The following PCDHA6 variants were observed in gnomAD, a reference collection of about 807,000 sequenced individuals.
PCDHA6 encodes the protein protocadherin alpha-6.
PCDHA6 carries 55 observed loss-of-function variants against 60.3 expected under a neutral mutation model. That is an observed-to-expected ratio of 0.91 (90% CI 0.73 to 1.14). PCDHA6 has a LOEUF of 1.14. Ranked by LOEUF, PCDHA6 falls within the 50% of genes most tolerant of loss-of-function variation. PCDHA6 has a pLI of 0.00. For synonymous variants in PCDHA6, 652 were observed against 557.9 expected, an observed-to-expected ratio of 1.17 and a Z score of -2.38; for missense variants, 1,327 against 1,256.5, an observed-to-expected ratio of 1.06 and a Z score of -0.85.
chr5:140,968,063 G>A, intron 1 of PCDHA6: 1 of 1,614,096 alleles, frequency 6.2e-7, no homozygotes. Flanking sequence ...AGAGCGGGTG[G>A]CTGTCTACAA....
chr5:140,976,378 C>A (rs908008970), intron 1 of PCDHA6, among the ~76,000 whole-genome samples: 2 of 151,926 alleles, frequency 1.3e-5, no homozygotes, highest in Non-Finnish European at 2.9e-5. Flanking sequence ...TGGTGAAACC[C>A]CATCTCTACT....
At chr5:140,913,945 A>T (rs2076523304) in intron 1 of PCDHA6, among the ~76,000 whole-genome samples, 1 of 152,086 alleles carries the variant, frequency 6.6e-6, no homozygotes, top group Non-Finnish European at 1.5e-5. Flanking sequence ...AAGAATCTTG[A>T]TATGATATCA....
chr5:140,928,256 C>G (rs1192362928), intron 1 of PCDHA6: 19 of 1,614,116 alleles, frequency 1.2e-5, no homozygotes, highest in Non-Finnish European at 1.5e-5. Flanking sequence ...CTTTTCGTTG[C>G]TGAAAACAAT....
chr5:141,004,461 A>C (rs1160733381), intron 3 of PCDHA6, among the ~76,000 whole-genome samples: 1 of 152,216 alleles, frequency 6.6e-6, no homozygotes, highest in Non-Finnish European at 1.5e-5. Context: ...CAGGAAGCTC[A>C]GTGACATGTT....
chr5:140,915,252 GTTA>G (rs1291041483), intron 1 of PCDHA6, among the ~76,000 whole-genome samples: 2 of 152,012 alleles, frequency 1.3e-5, no homozygotes, highest in African/African-American at 4.8e-5. Flanking sequence ...TGGCCAGGTT[GTTA>G]TTATTTTTGA....
chr5:140,836,281 C>A, intron 1 of PCDHA6: 2 of 1,613,732 alleles, frequency 1.2e-6, no homozygotes, highest in Non-Finnish European at 1.7e-6. Flanking sequence ...GAGATCAGCA[C>A]GACACGAGCC....
At chr5:140,875,524 C>T in intron 1 of PCDHA6, 1 of 1,614,084 alleles carries the variant, frequency 6.2e-7, no homozygotes, top group East Asian at 2.2e-5. Context: ...GCTGCTCTCG[C>T]TTCTGCTCCT....
chr5:140,968,328 A>AT (rs1554230627), intron 1 of PCDHA6: 1 of 1,614,076 alleles, frequency 6.2e-7, no homozygotes, highest in South Asian at 1.1e-5. Flanking sequence ...GTCACCTCCT[A>AT]TGTCTCCATT....
At chr5:140,844,621 A>C (rs1357757740) in intron 1 of PCDHA6, among the ~76,000 whole-genome samples, 5 of 149,558 alleles carry the variant, frequency 3.3e-5, no homozygotes, top group African/African-American at 9.8e-5. Context: ...TGTTTTCATC[A>C]GAAAAACTAT....
At position 140,827,972 on chromosome 5, in the gene PCDHA6, T is replaced by C; in HGVS notation, c.-120T>C. The C allele has an allele frequency of 7.9e-6, 11 of 1,394,734 alleles. No homozygotes were observed. Among genetic ancestry groups the C allele is most frequent in the Non-Finnish European group, 9.7e-6 (10 of 1,027,912 alleles). The allele number at this position is 1,394,734 out of a possible 1,614,324, so 86.4% of individuals were successfully genotyped here. ...TCAAATTTCTTCTATTACTGCATCA[T>C]TCCCTGACTGTTGAATGATGGCGGA... On this transcript the variant is annotated 5_prime_UTR_variant, in exon 1 of 4. Coordinates refer to ENST00000529310, the MANE Select transcript of PCDHA6 (RefSeq NM_018909.4).
chr5:140,863,178 C>G (rs1420894530), intron 1 of PCDHA6: 3 of 736,630 alleles, frequency 4.1e-6, no homozygotes, highest in African/African-American at 3.6e-5. Flanking sequence ...TGACTGCCAC[C>G]GTCACCGTGG....
chr5:140,864,460 T>C (rs2048484111), intron 1 of PCDHA6: 1 of 152,246 alleles, frequency 6.6e-6, no homozygotes, highest in African/African-American at 2.4e-5. Flanking sequence ...AATATCCATC[T>C]TTTTTGAGAT....
intron 1 of PCDHA6, chr5:140,834,286 C>A: frequency 2.6e-6 from 3 of 1,172,442 alleles, no homozygotes; most frequent in Non-Finnish European, 2.4e-6. Flanking sequence ...GGATGCACAA[C>A]AATGGCCACA....
intron 3 of PCDHA6, among the ~76,000 whole-genome samples, chr5:140,985,932 G>A (rs1554247524): frequency 6.6e-6 from 1 of 151,798 alleles, no homozygotes; most frequent in African/African-American, 2.4e-5. Flanking sequence ...GTAGAGCCGG[G>A]GTTTCACTGT....
chr5:140,836,709 C>A, intron 1 of PCDHA6: 2 of 1,613,210 alleles, frequency 1.2e-6, no homozygotes, highest in Non-Finnish European at 1.7e-6. Context: ...CAGTCCCAGC[C>A]TTCCTCAGGG....
rs2150150778 is a variant in PCDHA6 at position 140,828,083 on chromosome 5, G to A, written c.-9G>A. Reference sequence around the variant, plus strand: ...TCTTCTAATGGAAATAAAACCAGAGGTATTTGACATGGTGTTTACCCCGGA... The same window carrying A: ...TCTTCTAATGGAAATAAAACCAGAGATATTTGACATGGTGTTTACCCCGGA... On this transcript the variant is annotated 5_prime_UTR_variant, in exon 1 of 4. Transcript: ENST00000529310. The A allele has an allele frequency of 5.0e-6, 8 of 1,588,704 alleles. No homozygotes were observed. In the Admixed American group the frequency reaches 7.1e-5, roughly 14 times the overall value.
chr5:140,999,176 T>A (rs546665453), intron 3 of PCDHA6, among the ~76,000 whole-genome samples: 1 of 152,274 alleles, frequency 6.6e-6, no homozygotes, highest in African/African-American at 2.4e-5. Context: ...AAGAGCCTGA[T>A]GGGGAGAGGG....
chr5:140,942,633 G>A (rs1554215141), intron 1 of PCDHA6, among the ~76,000 whole-genome samples: 1 of 151,496 alleles, frequency 6.6e-6, no homozygotes, highest in Admixed American at 6.6e-5. Context: ...AAAAAAAATG[G>A]CAAAAGAGAT....
chr5:140,988,862 T>G (rs1554250483), intron 3 of PCDHA6: 2 of 152,218 alleles, frequency 1.3e-5, no homozygotes, highest in Non-Finnish European at 1.5e-5. Flanking sequence ...CAGTCTCATG[T>G]GCACTCAGAT....
Sources: allele counts gnomAD v4.1 joint callset (sites outside exome capture counted in the v4.1 genomes callset), GRCh38; gene constraint gnomAD v4.1.1; transcripts MANE v1.5; gene names NCBI Gene and HGNC (gene_info 2026-07-23, HGNC 2026-07-21).